The following ACSM2B variants were observed in gnomAD, a reference collection of about 807,000 sequenced individuals.
ACSM2B encodes the protein acyl-CoA synthetase medium chain family member 2B, also known as acyl-coenzyme A synthetase ACSM2B, mitochondrial.
In ACSM2B, 58 loss-of-function variants were observed where a neutral mutation model predicts 78.6. That is an observed-to-expected ratio of 0.74 (90% CI 0.60 to 0.92). ACSM2B has a LOEUF of 0.92. Ranked by LOEUF, ACSM2B falls within the 40% of genes least tolerant of loss-of-function variation. The pLI is 0.00. For missense variants in ACSM2B, 688 were observed against 711.2 expected, an observed-to-expected ratio of 0.97 and a Z score of 0.37; for synonymous variants, 257 against 256.8, an observed-to-expected ratio of 1.00 and a Z score of -0.01.
Position 20,557,700 on chromosome 16 carries a change from A to G in ACSM2B, c.388+1537T>C, listed in dbSNP as rs527767077. Reference sequence around the variant, plus strand: ...GGCACTGCCAATATAGCACCTGGCCACCTCTACATGTTCATTCTATTGCCA... The same window carrying G: ...GGCACTGCCAATATAGCACCTGGCCGCCTCTACATGTTCATTCTATTGCCA... On this transcript the variant is annotated intron_variant, in intron 3 of 13. Coordinates refer to ENST00000329697, the MANE Select transcript of ACSM2B (RefSeq NM_001105069.2). Among the ~76,000 whole-genome samples, 31 of 152,298 alleles carry G rather than the reference A, an allele frequency of 2.0e-4. 1 individual carries two copies. In the South Asian group the frequency reaches 5.8e-3, roughly 29 times the overall value.
chr16:20,564,519 A>T, intron 2 of ACSM2B, 150 bp downstream of exon 2: 3 of 1,456,250 alleles, frequency 2.1e-6, no homozygotes, highest in Non-Finnish European at 2.7e-6. Context: ...CCCATACCAT[A>T]CTGCCTTCAT....
intron 1 of ACSM2B, among the ~76,000 whole-genome samples, chr16:20,566,541 A>G (rs2015852369): frequency 9.4e-6 from 1 of 106,242 alleles, no homozygotes; most frequent in South Asian, 2.6e-4. Context: ...TATATACTAT[A>G]TAACTATATA....
intron 10 of ACSM2B, among the ~76,000 whole-genome samples, chr16:20,543,674 A>G (rs1319263885): frequency 1.3e-5 from 2 of 152,202 alleles, no homozygotes; most frequent in Admixed American, 1.3e-4. Context: ...TTCTAGAGAC[A>G]TTAGCCAGGA....
In ACSM2B at chr16:20,569,648, G is replaced by C. The variant is rs567643487; in HGVS notation, c.-8-4795C>G. Among the ~76,000 whole-genome samples, 7 of 151,816 alleles carry C rather than the reference G, an allele frequency of 4.6e-5. No homozygotes were observed. The South Asian group carries it at 6.2e-4, about 14-fold the overall frequency. Reference sequence around the variant, plus strand: ...TTTTGATGGGAATTGCACTGAATTTGTATATTGCTTTTGGCAATATAGTCA... The same window carrying C: ...TTTTGATGGGAATTGCACTGAATTTCTATATTGCTTTTGGCAATATAGTCA... On this transcript the variant is annotated intron_variant, in intron 1 of 13. Transcript: ENST00000329697.
intron 1 of ACSM2B, among the ~76,000 whole-genome samples, chr16:20,567,574 A>T (rs1192409193): frequency 1.5e-5 from 2 of 133,830 alleles, no homozygotes; most frequent in Non-Finnish European, 3.1e-5. Context: ...ATTATATATA[A>T]AAATATATAA....
intron 6 of ACSM2B, among the ~76,000 whole-genome samples, chr16:20,548,998 A>T (rs2015226432): frequency 6.6e-6 from 1 of 152,212 alleles, no homozygotes; most frequent in Admixed American, 6.5e-5. Flanking sequence ...AAAAAGACCT[A>T]GTACTGAATA....
chr16:20,551,975 A>G (rs879308270), intron 6 of ACSM2B, among the ~76,000 whole-genome samples, 169 bp downstream of exon 6: 49 of 152,186 alleles, frequency 3.2e-4, no homozygotes, highest in Admixed American at 5.2e-4. Context: ...ACCCCAGAAC[A>G]TGAGCTCTGC....
Position 20,542,795 on chromosome 16 carries a change from G to A in ACSM2B, c.1509+119C>T, listed in dbSNP as rs942259854. ...ACCCAAGGTCACATAGCTAGTAAGT[G>A]GCAGGGCCAAGATTGGGTCTCAGAG... On this transcript the variant is annotated intron_variant, in intron 12 of 13. Coordinates refer to ENST00000329697, the MANE Select transcript of ACSM2B (RefSeq NM_001105069.2). The A allele has an allele frequency of 9.9e-6, 13 of 1,319,218 alleles. No homozygotes were observed. The African/African-American group carries it at 1.3e-4, about 14-fold the overall frequency. 81.7% of individuals were successfully genotyped at this position (1,319,218 alleles called of 1,614,324 possible). A position where few individuals can be genotyped will look rare whatever the true frequency, so the allele number is the denominator to read the frequency against.
At chr16:20,537,483 C>G (rs2014876498) in intron 13 of ACSM2B, 121 bp from the exon 14 acceptor site, 12 of 1,080,878 alleles carry the variant, frequency 1.1e-5, no homozygotes, top group Non-Finnish European at 1.7e-5. Flanking sequence ...GGTAGCCGCC[C>G]TGTGCAATAA....
intron 7 of ACSM2B, 75 bp downstream of exon 7, chr16:20,548,319 G>A (rs2015204763): frequency 6.2e-7 from 1 of 1,606,230 alleles, no homozygotes; most frequent in Admixed American, 1.7e-5. Flanking sequence ...GATTCAGATA[G>A]ATAGGCATGA....
intron 8 of ACSM2B, chr16:20,547,418 A>G (rs933194882): frequency 3.7e-5 from 36 of 984,982 alleles, no homozygotes; most frequent in Non-Finnish European, 4.3e-5. Flanking sequence ...ATGCAGGGTA[A>G]GAGAGTGGAG....
intron 1 of ACSM2B, among the ~76,000 whole-genome samples, chr16:20,569,914 C>A (rs1057225834): frequency 3.3e-5 from 5 of 151,780 alleles, no homozygotes; most frequent in African/African-American, 1.2e-4. Context: ...AATTTTGTGT[C>A]CTGAAACTTT....
intron 10 of ACSM2B, among the ~76,000 whole-genome samples, chr16:20,543,937 T>A (rs7499271): frequency 0.1 from 15,250 of 152,150 alleles, 1,505 homozygotes; most frequent in African/African-American, 0.25. Context: ...ATCAGAGACA[T>A]CAAGAGTTTA....
At chr16:20,574,195 T>C (rs999761105) in intron 1 of ACSM2B, 2 of 152,002 alleles carry the variant, frequency 1.3e-5, no homozygotes, top group East Asian at 1.9e-4. Context: ...CATCCTTCTA[T>C]AGGCTTTCTG....
intron 6 of ACSM2B, chr16:20,549,620 A>G (rs1353550683): frequency 7.1e-6 from 2 of 281,730 alleles, no homozygotes; most frequent in African/African-American, 2.3e-5. Context: ...AAAATATTTG[A>G]AGAGATTTAT....
chr16:20,566,106 G>A lies in ACSM2B; in HGVS notation c.-8-1253C>T, dbSNP rs1423280547. On this transcript the variant is annotated intron_variant, in intron 1 of 13. Transcript: ENST00000329697. ...ATGTATGTATTATATAGTATATATC[G>A]AAAAAATATAAAAATTCTATTTTTA... 2.4e-4 allele frequency among the ~76,000 whole-genome samples: 28 copies of A among 114,940 alleles called. No individual in the cohort carries two copies. In the East Asian group the frequency reaches 4.1e-3, roughly 17 times the overall value. The allele number at this position is 114,940 out of a possible 152,430, so 75.4% of individuals were successfully genotyped here. A position where few individuals can be genotyped will look rare whatever the true frequency, so the allele number is the denominator to read the frequency against.
chr16:20,564,644 CTG>C (rs780370432), intron 2 of ACSM2B, 23 bp downstream of exon 2: 1 of 1,613,184 alleles, frequency 6.2e-7, no homozygotes, highest in Non-Finnish European at 8.5e-7. Flanking sequence ...TTGTCTCACT[CTG>C]TGCCTCTTTT....
chr16:20,556,907 C>G (rs2015491105), intron 3 of ACSM2B, among the ~76,000 whole-genome samples: 1 of 152,118 alleles, frequency 6.6e-6, no homozygotes, highest in South Asian at 2.1e-4. Context: ...CACAGGCTTC[C>G]AAGTTCCTGC....
chr16:20,568,955 G>A (rs1355064836), intron 1 of ACSM2B, among the ~76,000 whole-genome samples: 3 of 151,734 alleles, frequency 2.0e-5, no homozygotes, highest in Non-Finnish European at 4.4e-5. Flanking sequence ...TCTAGATTCT[G>A]AATATTAGTC....
Sources: allele counts gnomAD v4.1 joint callset (sites outside exome capture counted in the v4.1 genomes callset), GRCh38; gene constraint gnomAD v4.1.1; transcripts MANE v1.5; gene names NCBI Gene and HGNC (gene_info 2026-07-23, HGNC 2026-07-21).